CDH13: variants seen among roughly 807,000 people sequenced by gnomAD.
The protein encoded by CDH13 is cadherin 13.
A neutral mutation model predicts 63.8 loss-of-function variants in CDH13; 24 were observed. The observed-to-expected ratio is 0.38, with a 90% CI of 0.27 to 0.53. The LOEUF (loss-of-function observed/expected upper bound fraction) is 0.53. Among genes scored for constraint, CDH13 ranks in the 20% least tolerant of loss-of-function variants. The pLI is 0.85. For missense variants in CDH13, 1,049 were observed against 903.1 expected, an observed-to-expected ratio of 1.16 and a Z score of -2.07; for synonymous variants, 503 against 355.3, an observed-to-expected ratio of 1.42 and a Z score of -4.67.
At chr16:83,681,941 G>A (rs1183352114) in intron 10 of CDH13, among the ~76,000 whole-genome samples, 1 of 152,128 alleles carries the variant, frequency 6.6e-6, no homozygotes, top group African/African-American at 2.4e-5. Flanking sequence ...AAGAAACTTA[G>A]CTGGAAAAGA....
intron 7 of CDH13, among the ~76,000 whole-genome samples, chr16:83,569,104 A>G (rs1232370304): frequency 6.6e-6 from 1 of 152,062 alleles, no homozygotes; most frequent in African/African-American, 2.4e-5. Flanking sequence ...ATTCCTGCCA[A>G]ATATAATGTT....
intron 5 of CDH13, among the ~76,000 whole-genome samples, chr16:83,311,718 A>G (rs1040841577): frequency 7.2e-5 from 11 of 152,152 alleles, no homozygotes; most frequent in Non-Finnish European, 1.3e-4. Flanking sequence ...GATATCCAGA[A>G]CGCTCTTTTC....
At chr16:82,872,165 G>T (rs1000878025) in intron 2 of CDH13, among the ~76,000 whole-genome samples, 6 of 152,186 alleles carry the variant, frequency 3.9e-5, no homozygotes, top group African/African-American at 1.4e-4. Flanking sequence ...CGCAGACTGT[G>T]CCCCAAGCCT....
At chr16:82,946,149 A>G (rs1904691037) in intron 2 of CDH13, among the ~76,000 whole-genome samples, 1 of 151,748 alleles carries the variant, frequency 6.6e-6, no homozygotes, top group South Asian at 2.1e-4. Flanking sequence ...AGAACATACT[A>G]GATTTCCATA....
chr16:83,578,328 G>A (rs1905233740), intron 7 of CDH13, among the ~76,000 whole-genome samples: 1 of 152,192 alleles, frequency 6.6e-6, no homozygotes, highest in Non-Finnish European at 1.5e-5. Context: ...GGGACTTAAG[G>A]TTCCAGGGCA....
At chr16:83,538,117 G>A (rs1167169731) in intron 7 of CDH13, among the ~76,000 whole-genome samples, 1 of 152,176 alleles carries the variant, frequency 6.6e-6, no homozygotes, top group South Asian at 2.1e-4. Context: ...TAAATTACCT[G>A]CTGTGTCTAC....
intron 1 of CDH13, among the ~76,000 whole-genome samples, chr16:82,797,773 C>CTGTGTGTG (rs1567545844): frequency 4.5e-5 from 4 of 88,092 alleles, no homozygotes; most frequent in African/African-American, 1.7e-4. Flanking sequence ...GACTTTAGGG[C>CTGTGTGTG]CGTGTGTGTG....
In CDH13 at chr16:83,351,344, T is replaced by C. The variant is rs372259571; in HGVS notation, c.781+6338T>C. Among the ~76,000 whole-genome samples the C allele has an allele frequency of 1.6e-4, 24 of 152,092 alleles. No homozygotes were observed. In the South Asian group the frequency reaches 4.6e-3, roughly 29 times the overall value. On this transcript the variant is annotated intron_variant, in intron 6 of 13. Coordinates refer to ENST00000567109, the MANE Select transcript of CDH13 (RefSeq NM_001257.5). ...AAAAATAAATAAAGCAATTCTGTTCTTTTCAAGTGAAAGAAAATGCAGTCA... is the reference window on the plus strand; with the variant it reads ...AAAAATAAATAAAGCAATTCTGTTCCTTTCAAGTGAAAGAAAATGCAGTCA...
At chr16:83,067,371 G>T (rs2032097919) in intron 3 of CDH13, among the ~76,000 whole-genome samples, 1 of 152,070 alleles carries the variant, frequency 6.6e-6, no homozygotes, top group African/African-American at 2.4e-5. Context: ...ATATCCCTTT[G>T]AGCCATAGTT....
chr16:83,510,624 G>C (rs946172984), intron 7 of CDH13, among the ~76,000 whole-genome samples: 2 of 152,180 alleles, frequency 1.3e-5, no homozygotes, highest in African/African-American at 4.8e-5. Context: ...CTGGACAGGA[G>C]ACCCAGGGAT....
At chr16:83,041,021 A>C (rs946166044) in intron 3 of CDH13, among the ~76,000 whole-genome samples, 52 of 152,174 alleles carry the variant, frequency 3.4e-4, no homozygotes, top group Non-Finnish European at 8.8e-5. Flanking sequence ...TATAGGAAGC[A>C]CTGACTAAAC....
chr16:83,301,039 T>TTTG (rs1567574931), intron 5 of CDH13, among the ~76,000 whole-genome samples: 1 of 137,572 alleles, frequency 7.3e-6, no homozygotes, highest in Non-Finnish European at 1.6e-5. Flanking sequence ...TTTTTTTTTT[T>TTTG]TTTTTTTTTT....
Position 83,047,059 on chromosome 16 carries a change from G to A in CDH13, c.366+14841G>A, listed in dbSNP as rs376683259. Among the ~76,000 whole-genome samples, 4 of 152,142 alleles carry A rather than the reference G, an allele frequency of 2.6e-5. No homozygotes were observed. The highest frequency in any genetic ancestry group is 4.2e-4 in the South Asian group (2 of 4,802). On this transcript the variant is annotated intron_variant, in intron 3 of 13. Coordinates refer to ENST00000567109, the MANE Select transcript of CDH13 (RefSeq NM_001257.5). The surrounding 1 kb of genome is among the most constrained non-coding windows in gnomAD (Gnocchi z 4.9). ...TGCACTGTCAACCAACCCCTTCATC[G>A]AGTCAGGCAAATTAGGATTCCTTTG... is the stretch of plus-strand genomic sequence containing the variant.
chr16:82,930,735 A>T (rs1283412913), intron 2 of CDH13, among the ~76,000 whole-genome samples: 1 of 152,210 alleles, frequency 6.6e-6, no homozygotes, highest in Non-Finnish European at 1.5e-5. Context: ...AATTAAAGCT[A>T]TAAAGCATTG....
chr16:83,373,006 A>T (rs1274182873), intron 6 of CDH13, among the ~76,000 whole-genome samples: 1 of 152,188 alleles, frequency 6.6e-6, no homozygotes, highest in Non-Finnish European at 1.5e-5. Context: ...GCATTAAGAT[A>T]GTTTTACCTA....
intron 4 of CDH13, among the ~76,000 whole-genome samples, chr16:83,176,512 G>GAAAAAAAAAAAAAAAAA (rs869250059): frequency 4.2e-5 from 3 of 71,786 alleles, no homozygotes; most frequent in Non-Finnish European, 2.8e-5. Flanking sequence ...TCCAGCTAGA[G>GAAAAAAAAAAAAAAAAA]AAAAAAAAAA....
chr16:83,533,718 T>A lies in CDH13; in HGVS notation c.960+47063T>A, dbSNP rs542096777. 4.6e-5 allele frequency among the ~76,000 whole-genome samples: 7 copies of A among 151,410 alleles called. No individual in the cohort carries two copies. In the East Asian group the frequency reaches 1.4e-3, roughly 30 times the overall value. On this transcript the variant is annotated intron_variant, in intron 7 of 13. Coordinates refer to ENST00000567109, the MANE Select transcript of CDH13 (RefSeq NM_001257.5). ...TCACTGCAACCTCCACCTCCTGGGTTCAGGTGATTCTCTTGCCTCACCCTC... is the reference window on the plus strand; with the variant it reads ...TCACTGCAACCTCCACCTCCTGGGTACAGGTGATTCTCTTGCCTCACCCTC...
chr16:83,353,990 T>TA (rs1233336902), intron 6 of CDH13, among the ~76,000 whole-genome samples: 2 of 152,204 alleles, frequency 1.3e-5, no homozygotes, highest in African/African-American at 2.4e-5. Context: ...GTAAAAATAT[T>TA]AAAATTAATT....
intron 8 of CDH13, among the ~76,000 whole-genome samples, chr16:83,636,628 C>A (rs536804575): frequency 6.6e-6 from 1 of 152,196 alleles, no homozygotes; most frequent in African/African-American, 2.4e-5. Context: ...TCTATGGTTA[C>A]ATAGTATTCC....
Sources: gnomAD v4.1 joint callset for allele counts (sites outside exome capture counted in the v4.1 genomes callset) on GRCh38, gnomAD v4.1.1 for gene constraint, Gnocchi (gnomAD v3.1) non-coding constraint, MANE v1.5 for transcripts, NCBI Gene and HGNC (gene_info 2026-07-23, HGNC 2026-07-21) for gene names.